Variants in COG2 observed in about 807,000 individuals in gnomAD.
COG2 encodes the protein component of oligomeric golgi complex 2, also known as conserved oligomeric Golgi complex subunit 2.
In COG2, 52 loss-of-function variants were observed where a neutral mutation model predicts 90.6. The ratio of observed to expected loss-of-function variants is 0.57; its 90% CI spans 0.46 to 0.72. The LOEUF is 0.72. Ranked by LOEUF, COG2 falls within the 30% of genes least tolerant of loss-of-function variation. COG2 has a pLI of 0.00. For missense variants in COG2, 829 were observed against 891.2 expected, an observed-to-expected ratio of 0.93 and a Z score of 0.89; for synonymous variants, 337 against 320.4, an observed-to-expected ratio of 1.05 and a Z score of -0.55.
intron 3 of COG2, among the ~76,000 whole-genome samples, chr1:230,662,473 T>A (rs1468644100): frequency 6.6e-6 from 1 of 152,210 alleles, no homozygotes; most frequent in East Asian, 1.9e-4. Context: ...TTGGCCCTAA[T>A]TTCTGATTAA....
In COG2 at chr1:230,659,479, G is replaced by C. The variant is rs761353900; in HGVS notation, c.88G>C (p.Asp30His). Residue 30 changes from aspartate to histidine, a missense_variant, in exon 2 of 18, where the codon GAT becomes CAT. Transcript: ENST00000366669. The part of the protein sequence containing the change: ...DEFMKEDFDV[D>H]HFVSDCRKRV... ...TATTTTTCAGGAAGATTTCGATGTCGATCATTTTGTGTCTGACTGTAGGAA... is the reference window on the plus strand; with the variant it reads ...TATTTTTCAGGAAGATTTCGATGTCCATCATTTTGTGTCTGACTGTAGGAA... 5.6e-6 allele frequency: 9 copies of C among 1,613,132 alleles called. No homozygotes were observed. Among genetic ancestry groups the C allele is most frequent in the South Asian group, 1.1e-5 (1 of 90,932 alleles).
intron 11 of COG2, among the ~76,000 whole-genome samples, chr1:230,684,608 A>C (rs1187774665): frequency 1.3e-5 from 2 of 152,220 alleles, no homozygotes; most frequent in Non-Finnish European, 2.9e-5. Context: ...ATTTTGAATC[A>C]ATTTTAGCCT....
chr1:230,659,646 C>T, intron 2 of COG2, 21 bp downstream of exon 2: 1 of 1,608,710 alleles, frequency 6.2e-7, no homozygotes, highest in Non-Finnish European at 8.5e-7. Context: ...AATCCACGGT[C>T]CCATTTACAT....
intron 1 of COG2, among the ~76,000 whole-genome samples, chr1:230,651,487 ATT>A: frequency 6.6e-6 from 1 of 152,296 alleles, no homozygotes; most frequent in Middle Eastern, 3.4e-3. Flanking sequence ...TGGTTTTAAA[ATT>A]GATTGTCACT....
intron 16 of COG2, among the ~76,000 whole-genome samples, chr1:230,690,719 A>G (rs1663005183): frequency 6.6e-6 from 1 of 152,180 alleles, no homozygotes; most frequent in African/African-American, 2.4e-5. Flanking sequence ...TAATTATTAA[A>G]TATTAATTTT....
At chr1:230,644,932 T>C (rs1661725199) in intron 1 of COG2, among the ~76,000 whole-genome samples, 1 of 152,040 alleles carries the variant, frequency 6.6e-6, no homozygotes, top group African/African-American at 2.4e-5. Flanking sequence ...GTGGAAAATA[T>C]TACGTAAATG....
At position 230,668,483 on chromosome 1, in the gene COG2, C is replaced by T. The variant is rs758385589; in HGVS notation, c.486-193C>T. ...CACTTAGAACATGCTGTGCATATGG[C>T]GTCTGGGGAACATTGACTGATGGCA... On this transcript the variant is annotated intron_variant, in intron 5 of 17. Coordinates refer to ENST00000366669, the MANE Select transcript of COG2 (RefSeq NM_007357.3). Among the ~76,000 whole-genome samples, 6 of 152,280 alleles carry T rather than the reference C, an allele frequency of 3.9e-5. No individual in the cohort carries two copies. In the East Asian group the frequency reaches 5.8e-4, roughly 15 times the overall value.
At chr1:230,686,438 A>G (rs1002351979) in intron 12 of COG2, among the ~76,000 whole-genome samples, 2 of 152,200 alleles carry the variant, frequency 1.3e-5, no homozygotes, top group Admixed American at 6.5e-5. Flanking sequence ...ATCCCATTCT[A>G]TCCCATTCTT....
intron 5 of COG2, among the ~76,000 whole-genome samples, chr1:230,664,910 T>C (rs1662281684): frequency 6.6e-6 from 1 of 152,216 alleles, no homozygotes; most frequent in Non-Finnish European, 1.5e-5. Context: ...AGGTGTGGAA[T>C]AGCAGTCATC....
intron 1 of COG2, among the ~76,000 whole-genome samples, chr1:230,656,014 G>A (rs755175050): frequency 6.6e-6 from 1 of 152,062 alleles, no homozygotes; most frequent in Non-Finnish European, 1.5e-5. Context: ...CTGGCTAGAG[G>A]TCTATCTATT....
chr1:230,660,952 T>C (rs1662166766), intron 3 of COG2, 129 bp downstream of exon 3: 1 of 491,482 alleles, frequency 2.0e-6, no homozygotes, highest in East Asian at 3.4e-5. Flanking sequence ...GTAATTATAA[T>C]ACTCATCCTC....
chr1:230,669,609 A>G (rs1662400189), intron 7 of COG2, 74 bp downstream of exon 7: 1 of 1,313,734 alleles, frequency 7.6e-7, no homozygotes, highest in Non-Finnish European at 1.0e-6. Flanking sequence ...TGTGAGGAAG[A>G]TAAGAAGAGA....
intron 9 of COG2, chr1:230,677,910 C>G (rs1162010027): frequency 2.1e-6 from 1 of 486,478 alleles, no homozygotes; most frequent in Non-Finnish European, 2.7e-6. Context: ...TAGTTTTGTC[C>G]CAAAAGGGAA....
chr1:230,690,839 AGTAACCAGCTT>A (rs1378209930), intron 16 of COG2, among the ~76,000 whole-genome samples: 5 of 152,240 alleles, frequency 3.3e-5, no homozygotes, highest in Non-Finnish European at 7.3e-5. Flanking sequence ...TCAGATGCCA[AGTAACCAGCTT>A]GTAGACAAAG....
At chr1:230,685,056 A>C (rs200346555) in intron 11 of COG2, 29 bp from the exon 12 acceptor site, 22 of 1,612,182 alleles carry the variant, frequency 1.4e-5, no homozygotes, top group Non-Finnish European at 3.4e-6. Context: ...AAATTCCTTA[A>C]ATGTGTGTTG....
chr1:230,645,388 C>A (rs1437628985), intron 1 of COG2, among the ~76,000 whole-genome samples: 3 of 152,090 alleles, frequency 2.0e-5, no homozygotes, highest in Non-Finnish European at 4.4e-5. Context: ...TATGCTGTGG[C>A]AATCATATCC....
chr1:230,691,593 C>T (rs752445182), intron 17 of COG2, 29 bp downstream of exon 17: 6 of 1,588,582 alleles, frequency 3.8e-6, no homozygotes, highest in Non-Finnish European at 4.3e-6. Context: ...GCAGCTCCAG[C>T]GAGCCTGAAA....
chr1:230,665,162 A>G (rs1182140002), intron 5 of COG2, among the ~76,000 whole-genome samples: 1 of 152,242 alleles, frequency 6.6e-6, no homozygotes, highest in Non-Finnish European at 1.5e-5. Context: ...TGAATGGATC[A>G]TTATGAACAT....
chr1:230,664,518 C>A lies in COG2; in HGVS notation c.416C>A (p.Ser139Ter). The change falls in exon 5 of 18, where the codon TCA (serine) becomes TAA (stop). Residue 139 changes from serine (S) to a stop codon, truncating the protein, a stop_gained. Coordinates refer to ENST00000366669, the MANE Select transcript of COG2 (RefSeq NM_007357.3). LOFTEE classifies it high-confidence loss of function. ...CVLRLIQVIR[S>*]VEKIEKILNS... ...TTGAGGCTTATACAAGTTATTCGGTCAGTTGAGAAAATTGAAAAAATCTTA... is the reference window on the plus strand; with the variant it reads ...TTGAGGCTTATACAAGTTATTCGGTAAGTTGAGAAAATTGAAAAAATCTTA... The A allele has an allele frequency of 1.3e-6, 2 of 1,571,050 alleles. No individual in the cohort carries two copies. Among genetic ancestry groups the A allele is most frequent in the Non-Finnish European group, 8.7e-7 (1 of 1,152,740 alleles).
Sources: allele counts gnomAD v4.1 joint callset (sites outside exome capture counted in the v4.1 genomes callset), GRCh38; gene constraint gnomAD v4.1.1; transcripts MANE v1.5; gene names NCBI Gene and HGNC (gene_info 2026-07-23, HGNC 2026-07-21).